The following IGDCC4 variants were observed in gnomAD, a reference collection of about 807,000 sequenced individuals.
The protein encoded by IGDCC4 is likely ortholog of mouse neighbor of Punc E11.
In IGDCC4, 72 loss-of-function variants were observed where a neutral mutation model predicts 116.6. That is an observed-to-expected ratio of 0.62 (90% CI 0.51 to 0.75). The LOEUF is 0.75. IGDCC4 is among the 30% of genes least tolerant of loss of function. The pLI, the probability that IGDCC4 is intolerant of heterozygous loss-of-function variation, is 0.00. For synonymous variants in IGDCC4, 709 were observed against 719.9 expected (o/e 0.98, Z 0.24); for missense variants, 1,501 against 1,662.4 (o/e 0.90, Z 1.69).
At chr15:65,418,636 C>G (rs771289573) in intron 1 of IGDCC4, among the ~76,000 whole-genome samples, 1 of 152,072 alleles carries the variant, frequency 6.6e-6, no homozygotes, top group Non-Finnish European at 1.5e-5. Context: ...AAAACATACT[C>G]TCTGGTTTTC....
rs1369754179 is a variant in IGDCC4 at position 65,396,978 on chromosome 15, TGGGCTTCCC to T, written c.844_852del (p.Gly282_Pro284del). Reference sequence around the variant, plus strand: ...CCCAGGACGATGACATCTGTGGAGATGGGCTTCCCGTCTGGGGAAGGAGAGGGAGACGCG... The same window carrying T: ...CCCAGGACGATGACATCTGTGGAGATGTCTGGGGAAGGAGAGGGAGACGCG... On this transcript the variant is annotated inframe_deletion and splice_region_variant, in exon 6 of 20. Coordinates refer to ENST00000352385, the MANE Select transcript of IGDCC4 (RefSeq NM_020962.3). 1 of 1,580,872 alleles carries T rather than the reference TGGGCTTCCC, an allele frequency of 6.3e-7. No homozygotes were observed.
At chr15:65,420,690 G>T (rs879703676) in intron 1 of IGDCC4, among the ~76,000 whole-genome samples, 4 of 150,932 alleles carry the variant, frequency 2.7e-5, no homozygotes, top group Non-Finnish European at 1.5e-5. Context: ...TTAATCCAAT[G>T]ATCTCAACTA....
chr15:65,400,369 G>A (rs781043340), intron 5 of IGDCC4, among the ~76,000 whole-genome samples: 29 of 152,212 alleles, frequency 1.9e-4, no homozygotes, highest in Admixed American at 5.2e-4. Flanking sequence ...GTATGCTGGG[G>A]TGGACCCAGA....
At chr15:65,385,659 C>G in intron 18 of IGDCC4, 172 bp downstream of exon 18, 1 of 697,398 alleles carries the variant, frequency 1.4e-6, no homozygotes. Context: ...GATATGGAGG[C>G]CCATGTGCTT....
Position 65,392,378 on chromosome 15 carries a change from G to T in IGDCC4, c.1886-8C>A. 1 of 1,498,532 alleles carries T rather than the reference G, an allele frequency of 6.7e-7. No individual in the cohort carries two copies. The highest frequency in any genetic ancestry group is 8.9e-7 in the Non-Finnish European group (1 of 1,120,110). 92.8% of individuals were successfully genotyped at this position (1,498,532 alleles called of 1,614,324 possible). A position where few individuals can be genotyped will look rare whatever the true frequency, so the allele number is the denominator to read the frequency against. On this transcript the variant is annotated splice_polypyrimidine_tract_variant and splice_region_variant and intron_variant, in intron 10 of 19. Coordinates refer to ENST00000352385, the MANE Select transcript of IGDCC4 (RefSeq NM_020962.3). ...CTGCAGGGGCAAAAGGGACTGGGGG[G>T]CAGAGGAGCAGGATGGGAAAATTAA... is the stretch of plus-strand genomic sequence containing the variant.
At position 65,384,089 on chromosome 15, in the gene IGDCC4, C is replaced by A; in HGVS notation, c.3673G>T (p.Asp1225Tyr). ...CAGGGGGATTTGAGCTGGCAGCTAT[C>A]TCCAGGGGTCTCCTCTAGCACCTCG... The part of the protein sequence containing the change: ...PGEVLEETPG[D>Y]SCQLKSPCPL... The change falls in exon 20 of 20, where the codon GAT becomes TAT. Residue 1225 changes from aspartate to tyrosine, a missense_variant. Asp to Tyr is a radical substitution (Grantham distance 160). Around this residue, in one of 3 missense-constraint regions of IGDCC4, gnomAD observed 368 missense variants for 355.6 expected, o/e 1.03. Transcript: ENST00000352385. The surrounding 1 kb of genome is among the most constrained non-coding windows in gnomAD (Gnocchi z 4.9). The A allele has an allele frequency of 6.2e-7, 1 of 1,613,902 alleles. No individual in the cohort carries two copies. Among genetic ancestry groups the A allele is most frequent in the Non-Finnish European group, 8.5e-7 (1 of 1,179,924 alleles).
chr15:65,419,814 G>A (rs939140407), intron 1 of IGDCC4, among the ~76,000 whole-genome samples: 5 of 152,198 alleles, frequency 3.3e-5, no homozygotes, highest in Admixed American at 6.5e-5. Flanking sequence ...AACAGAGCTC[G>A]GCTTCTCGCC....
At position 65,388,481 on chromosome 15, in the gene IGDCC4, T is replaced by G; in HGVS notation, c.2813A>C (p.Gln938Pro). 1.2e-6 allele frequency: 2 copies of G among 1,614,154 alleles called. No homozygotes were observed. The highest frequency in any genetic ancestry group is 1.7e-6 in the Non-Finnish European group (2 of 1,180,028). Residue 938 changes from glutamine to proline, a missense_variant, in exon 16 of 20, where the codon CAG (glutamine) becomes CCG (proline). Gln to Pro is a moderately conservative substitution (Grantham distance 76). Coordinates refer to ENST00000352385, the MANE Select transcript of IGDCC4 (RefSeq NM_020962.3). ...EVGPGPFSRL[Q>P]DVITLQEKLS... ...CTTCTCCTGGAGCGTGATCACATCC[T>G]GCAGGCGGGAGAAAGGCCCAGGTCC...
At chr15:65,421,890 G>C (rs2063194871) in intron 1 of IGDCC4, among the ~76,000 whole-genome samples, 1 of 151,900 alleles carries the variant, frequency 6.6e-6, no homozygotes, top group East Asian at 1.9e-4. Context: ...CACACCCTTG[G>C]GGACTTCGCT....
Position 65,385,021 on chromosome 15 carries a change from G to T in IGDCC4, c.3275C>A (p.Ala1092Asp). 1 of 1,608,490 alleles carries T rather than the reference G, an allele frequency of 6.2e-7. No individual in the cohort carries two copies. The highest frequency in any genetic ancestry group is 1.1e-5 in the South Asian group (1 of 90,702). ...CCCAGTTCCAGCAGGGGGCAGCAGG[G>T]CCCGGGTCAGAGCCGGCCGGGGGCC... ...QAGPRPALTR[A>D]LLPPAGTGQT... Residue 1092 changes from alanine (A) to aspartate (D), a missense_variant, in exon 19 of 20, where the codon GCC becomes GAC. Physicochemically the swap from Ala to Asp is moderately radical, Grantham distance 126 (BLOSUM62 -2). Around this residue, in one of 3 missense-constraint regions of IGDCC4, gnomAD observed 368 missense variants for 355.6 expected, o/e 1.03. Transcript: ENST00000352385.
In IGDCC4 at chr15:65,388,540, C is replaced by A. The variant is rs745357948; in HGVS notation, c.2754G>T (p.Arg918=). The A allele has an allele frequency of 3.1e-6, 5 of 1,614,034 alleles. No individual in the cohort carries two copies. The highest frequency in any genetic ancestry group is 4.2e-6 in the Non-Finnish European group (5 of 1,180,048). ...TGCGCGCCCCCATCTTGAAGAAGTA[C>A]CGAGTGTCGCTCTCCAGGCCATGGA... The part of the protein sequence containing the change: ...AEVHGLESDT[R]YFFKMGARTE... Residue 918 remains arginine (R), a synonymous_variant, in exon 16 of 20, where the codon CGG becomes CGT. Coordinates refer to ENST00000352385, the MANE Select transcript of IGDCC4 (RefSeq NM_020962.3).
intron 1 of IGDCC4, among the ~76,000 whole-genome samples, chr15:65,417,889 C>T (rs2063158830): frequency 6.6e-6 from 1 of 152,204 alleles, no homozygotes; most frequent in Admixed American, 6.5e-5. Flanking sequence ...AGCCACCATG[C>T]CCAGCCTTCA....
At position 65,394,629 on chromosome 15, in the gene IGDCC4, G is replaced by A. The variant is rs202151355; in HGVS notation, c.1577-81C>T. ...TCGGGAGCGGTCAGAGACTTGCCTG[G>A]GTCACACAGCAAGTCAGAAGTAGGC... is the stretch of plus-strand genomic sequence containing the variant. On this transcript the variant is annotated intron_variant, in intron 8 of 19. Transcript: ENST00000352385. The A allele has an allele frequency of 5.0e-5, 69 of 1,391,952 alleles. No homozygotes were observed. The East Asian group carries it at 1.5e-3, about 30-fold the overall frequency. The allele number at this position is 1,391,952 out of a possible 1,614,324, so 86.2% of individuals were successfully genotyped here. A position where few individuals can be genotyped will look rare whatever the true frequency, so the allele number is the denominator to read the frequency against.
chr15:65,402,092 A>C (rs2062992657), intron 4 of IGDCC4, among the ~76,000 whole-genome samples: 1 of 152,164 alleles, frequency 6.6e-6, no homozygotes, highest in South Asian at 2.1e-4. Flanking sequence ...CACTGCATCC[A>C]ACCAGAGGGC....
In IGDCC4 at chr15:65,409,550, C is replaced by T. The variant is rs1161073049; in HGVS notation, c.563+628G>A. On this transcript the variant is annotated intron_variant, in intron 3 of 19. Transcript: ENST00000352385. ...TACGCTGCATACACATCTGGACCTA[C>T]CCAGGAAGCCACAAGAGGGACCAAG... Among the ~76,000 whole-genome samples the T allele has an allele frequency of 2.0e-5, 3 of 152,314 alleles. No homozygotes were observed. The East Asian group carries it at 5.8e-4, about 29-fold the overall frequency.
Position 65,384,266 on chromosome 15 carries a change from G to A in IGDCC4, c.3496C>T (p.Leu1166Phe), listed in dbSNP as rs1305720597. ...CCTGGATCCCCAACACCCGAGATGA[G>A]ATCAGGAGCCTCTGGAGGCAGGGGG... ...EDPLPPEAPDLISGVGDPGQG... is the reference protein window; with the variant it reads ...EDPLPPEAPDFISGVGDPGQG... The change falls in exon 20 of 20, where the codon CTC becomes TTC. Residue 1166 changes from leucine (L) to phenylalanine (F), a missense_variant. By Grantham distance (22) the Leu-to-Phe change is conservative. Transcript: ENST00000352385. The surrounding 1 kb of genome is among the most constrained non-coding windows in gnomAD (Gnocchi z 4.9). 1.2e-6 allele frequency: 2 copies of A among 1,606,716 alleles called. No homozygotes were observed. Among genetic ancestry groups the A allele is most frequent in the South Asian group, 1.1e-5 (1 of 90,092 alleles).
rs1338542597 is a variant in IGDCC4, at chr15:65,392,119, C to G, written c.2122+15G>C. ...AGCTACATCCCTCCCTCCCCCTCCC[C>G]CCAGCCCTCCTCACCTAGCTGGGTC... On this transcript the variant is annotated intron_variant, in intron 11 of 19. Transcript: ENST00000352385. 1.4e-5 allele frequency: 22 copies of G among 1,564,628 alleles called. No individual in the cohort carries two copies. Among genetic ancestry groups the G allele is most frequent in the Non-Finnish European group, 1.8e-5 (21 of 1,147,436 alleles).
At chr15:65,405,119 T>G (rs1237968813) in intron 3 of IGDCC4, among the ~76,000 whole-genome samples, 1 of 112,256 alleles carries the variant, frequency 8.9e-6, no homozygotes, top group Non-Finnish European at 1.7e-5. Context: ...GTTCAAAATA[T>G]ATTAGTTAGT....
At chr15:65,414,632 T>C in intron 1 of IGDCC4, among the ~76,000 whole-genome samples, 1 of 152,294 alleles carries the variant, frequency 6.6e-6, no homozygotes, top group East Asian at 1.9e-4. Flanking sequence ...ACTCAAGGAA[T>C]GGGAGCTTAT....
Sources: allele counts gnomAD v4.1 joint callset (sites outside exome capture counted in the v4.1 genomes callset), GRCh38; gene constraint gnomAD v4.1.1; regional missense constraint gnomAD v4.1.1; non-coding constraint Gnocchi (gnomAD v3.1); transcripts MANE v1.5; gene names NCBI Gene and HGNC (gene_info 2026-07-23, HGNC 2026-07-21).